The following OTUD7A variants were observed in gnomAD, a reference collection of about 807,000 sequenced individuals.
OTUD7A encodes OTU deubiquitinase 7A.
OTUD7A carries 12 observed loss-of-function variants against 65.7 expected under a neutral mutation model. The ratio of observed to expected loss-of-function variants is 0.18; its 90% CI spans 0.12 to 0.30. The LOEUF (loss-of-function observed/expected upper bound fraction) is 0.30. Ranked by LOEUF, OTUD7A falls within the 10% of genes least tolerant of loss-of-function variation. OTUD7A has a pLI of 1.00. For missense variants in OTUD7A, 1,148 were observed against 1,304.8 expected, an observed-to-expected ratio of 0.88 and a Z score of 1.85; for synonymous variants, 641 against 586.3, an observed-to-expected ratio of 1.09 and a Z score of -1.35.
chr15:31,670,972 G>C (rs1378833085), intron 1 of OTUD7A, among the ~76,000 whole-genome samples: 1 of 151,858 alleles, frequency 6.6e-6, no homozygotes, highest in East Asian at 1.9e-4. Context: ...TCCAGCCTGG[G>C]GGACAAAGCG....
At chr15:31,675,143 G>T (rs1892568062) in intron 1 of OTUD7A, among the ~76,000 whole-genome samples, 1 of 149,952 alleles carries the variant, frequency 6.7e-6, no homozygotes, top group Non-Finnish European at 1.5e-5. Context: ...AAACATAGAT[G>T]TACAACTTAA....
Position 31,481,739 on chromosome 15 carries a change from TCGCCCCCCC to T in OTUD7A, c.*1546_*1554del, listed in dbSNP as rs1183150813. 23 of 151,454 alleles carry T rather than the reference TCGCCCCCCC, an allele frequency of 1.5e-4. No homozygotes were observed. Among genetic ancestry groups the T allele is most frequent in the Admixed American group, 1.1e-3 (17 of 15,208 alleles). The allele number at this position is 151,454 out of a possible 1,614,324, so 9.4% of individuals were successfully genotyped here. A position where few individuals can be genotyped will look rare whatever the true frequency, so the allele number is the denominator to read the frequency against. On this transcript the variant is annotated 3_prime_UTR_variant, in exon 13 of 13. Coordinates refer to ENST00000307050, the MANE Select transcript of OTUD7A (RefSeq NM_001382637.1). ...TCTCAAACAAGTAAAAAAAATCCCC[TCGCCCCCCC>T]TTTTTTTTTGTTTTTGCTGCTCTTT...
chr15:31,743,732 C>G (rs1282558143), intron 1 of OTUD7A, among the ~76,000 whole-genome samples: 1 of 150,864 alleles, frequency 6.6e-6, no homozygotes, highest in African/African-American at 2.4e-5. Flanking sequence ...CATGTTGAAA[C>G]CCCATCTCAA....
At chr15:31,748,217 AAG>A (rs1175596678) in intron 1 of OTUD7A, among the ~76,000 whole-genome samples, 3 of 152,122 alleles carry the variant, frequency 2.0e-5, no homozygotes, top group Non-Finnish European at 4.4e-5. Flanking sequence ...ATAGTTATGA[AAG>A]AGAGTGTCCT....
intron 1 of OTUD7A, chr15:31,767,661 C>T: frequency 1.3e-6 from 1 of 754,208 alleles, no homozygotes; most frequent in Non-Finnish European, 2.5e-6. Flanking sequence ...TCAACGTCTT[C>T]CTGGCTTAGT....
At chr15:31,617,980 C>G (rs1434837000) in intron 3 of OTUD7A, among the ~76,000 whole-genome samples, 3 of 151,116 alleles carry the variant, frequency 2.0e-5, no homozygotes, top group Admixed American at 6.6e-5. Context: ...TTCCTGTGTC[C>G]AAGTGTTCTC....
At chr15:31,747,685 T>C (rs758457438) in intron 1 of OTUD7A, among the ~76,000 whole-genome samples, 2 of 152,266 alleles carry the variant, frequency 1.3e-5, no homozygotes, top group East Asian at 3.9e-4. Flanking sequence ...AATTCATCAA[T>C]GAGTGCTAAA....
At chr15:31,653,437 G>C (rs1263780309) in intron 3 of OTUD7A, among the ~76,000 whole-genome samples, 2 of 151,914 alleles carry the variant, frequency 1.3e-5, no homozygotes, top group African/African-American at 4.8e-5. Flanking sequence ...GCAACAAAAA[G>C]GAACCGGCTA....
intron 1 of OTUD7A, among the ~76,000 whole-genome samples, chr15:31,722,804 A>G (rs1356740214): frequency 6.6e-6 from 1 of 152,244 alleles, no homozygotes; most frequent in Non-Finnish European, 1.5e-5. Context: ...AGGCCTAGAC[A>G]ATATAAGATT....
intron 1 of OTUD7A, among the ~76,000 whole-genome samples, chr15:31,860,399 TAAATTTCTAA>T (rs1897686958): frequency 6.6e-6 from 1 of 151,944 alleles, no homozygotes; most frequent in South Asian, 2.1e-4. Flanking sequence ...AAAAAATGAT[TAAATTTCTAA>T]TTTTAATTCC....
chr15:31,587,467 C>T (rs12050894), intron 3 of OTUD7A, among the ~76,000 whole-genome samples: 42,513 of 151,346 alleles, frequency 0.28, 6,942 homozygotes, highest in African/African-American at 0.45. Context: ...GAAACCCCGT[C>T]TCTACTAAAA....
intron 3 of OTUD7A, among the ~76,000 whole-genome samples, chr15:31,581,172 G>A (rs1889360089): frequency 6.6e-6 from 1 of 152,218 alleles, no homozygotes; most frequent in East Asian, 1.9e-4. Context: ...GATCTCCTTT[G>A]ACTCCATGCC....
intron 1 of OTUD7A, among the ~76,000 whole-genome samples, chr15:31,769,244 A>G (rs562681681): frequency 6.6e-6 from 1 of 152,356 alleles, no homozygotes; most frequent in Non-Finnish European, 1.5e-5. Flanking sequence ...CATCAGATAC[A>G]GTAGACTAGA....
chr15:31,490,365 G>A (rs1174048879), intron 10 of OTUD7A, among the ~76,000 whole-genome samples: 1 of 152,202 alleles, frequency 6.6e-6, no homozygotes, highest in African/African-American at 2.4e-5. Context: ...ATGCTAGCCT[G>A]AATATATTCT....
At chr15:31,747,530 T>C (rs1894513143) in intron 1 of OTUD7A, among the ~76,000 whole-genome samples, 1 of 152,138 alleles carries the variant, frequency 6.6e-6, no homozygotes, top group Non-Finnish European at 1.5e-5. Flanking sequence ...AACCTGAGCA[T>C]CACAATAAAT....
intron 1 of OTUD7A, among the ~76,000 whole-genome samples, chr15:31,776,712 C>T (rs114403383): frequency 0.023 from 3,482 of 152,194 alleles, 162 homozygotes; most frequent in African/African-American, 0.079. Context: ...ACTGTGACTG[C>T]CAGGGTCTGA....
Position 31,859,195 on chromosome 15 carries a change from GTTATT to G in OTUD7A, c.-100+11307_-100+11311del, listed in dbSNP as rs1392152513. On this transcript the variant is annotated intron_variant, in intron 1 of 12. Transcript: ENST00000307050. ...ACTAACAAAATTGTATTTTTTTGTT[GTTATT>G]TTATTTTTTAACTTGACAAAACTGT... Among the ~76,000 whole-genome samples, 6 of 152,144 alleles carry G rather than the reference GTTATT, an allele frequency of 3.9e-5. No individual in the cohort carries two copies. The South Asian group carries it at 1.2e-3, about 32-fold the overall frequency.
intron 5 of OTUD7A, among the ~76,000 whole-genome samples, chr15:31,551,638 C>G (rs1414431729): frequency 6.6e-6 from 1 of 152,182 alleles, no homozygotes; most frequent in Non-Finnish European, 1.5e-5. Flanking sequence ...TTGCTCATCA[C>G]CCCACGACAT....
chr15:31,483,761 T>G lies in OTUD7A; in HGVS notation c.2335A>C (p.Ile779Leu), dbSNP rs922132216. 8.3e-6 allele frequency: 9 copies of G among 1,080,954 alleles called. No homozygotes were observed. Among genetic ancestry groups the G allele is most frequent in the African/African-American group, 1.7e-5 (1 of 58,804 alleles). The allele number at this position is 1,080,954 out of a possible 1,614,324, so 67.0% of individuals were successfully genotyped here. A position where few individuals can be genotyped will look rare whatever the true frequency, so the allele number is the denominator to read the frequency against. Residue 779 changes from isoleucine (I) to leucine (L), a missense_variant, in exon 13 of 13, where the codon ATC (isoleucine) becomes CTC (leucine). Around this residue, in one of 6 missense-constraint regions of OTUD7A, gnomAD observed 842 missense variants for 769.5 expected, o/e 1.09. Coordinates refer to ENST00000307050, the MANE Select transcript of OTUD7A (RefSeq NM_001382637.1). ...SPPAPARQSVIHVQASGARDE... is the reference protein window; with the variant it reads ...SPPAPARQSVLHVQASGARDE... ...CGCGCGCCCGACGCCTGCACGTGGATGACGCTCTGGCGCGCTGGCGCCGGG... is the reference window on the plus strand; with the variant it reads ...CGCGCGCCCGACGCCTGCACGTGGAGGACGCTCTGGCGCGCTGGCGCCGGG...
Sources: allele counts gnomAD v4.1 joint callset (sites outside exome capture counted in the v4.1 genomes callset), GRCh38; gene constraint gnomAD v4.1.1; regional missense constraint gnomAD v4.1.1; transcripts MANE v1.5; gene names NCBI Gene and HGNC (gene_info 2026-07-23, HGNC 2026-07-21).